Variants in TRPM3 observed in about 807,000 individuals in gnomAD.
TRPM3 encodes the protein long transient receptor potential channel 3.
In TRPM3, 77 loss-of-function variants were observed where a neutral mutation model predicts 181.2. The ratio of observed to expected loss-of-function variants is 0.42; its 90% CI spans 0.35 to 0.51. The LOEUF (loss-of-function observed/expected upper bound fraction) is 0.51, where lower values mean the gene tolerates loss of function less well. TRPM3 is among the 20% of genes least tolerant of loss of function. The probability of loss-of-function intolerance (pLI) is 0.01; values close to 1 mark genes in which losing one functional copy is unlikely to be tolerated. For synonymous variants in TRPM3, 745 were observed against 796.4 expected (o/e 0.94, Z 1.09); for missense variants, 1,759 against 2,196.7 (o/e 0.80, Z 3.98).
At chr9:71,241,923 T>G (rs11142750) in intron 1 of TRPM3, among the ~76,000 whole-genome samples, 24,280 of 152,270 alleles carry the variant, frequency 0.16, 2,339 homozygotes, top group Non-Finnish European at 0.22. Context: ...GTGACTTTAT[T>G]TGGGACATTC....
intron 25 of TRPM3, among the ~76,000 whole-genome samples, chr9:70,548,465 A>G (rs2045617690): frequency 6.6e-6 from 1 of 152,230 alleles, no homozygotes; most frequent in African/African-American, 2.4e-5. Flanking sequence ...GGTAATTCCT[A>G]CAGAGCCACT....
At chr9:71,434,205 G>A (rs2093998399) in intron 1 of TRPM3, among the ~76,000 whole-genome samples, 1 of 152,024 alleles carries the variant, frequency 6.6e-6, no homozygotes, top group African/African-American at 2.4e-5. Context: ...TGTGCTAAAT[G>A]TTTGTGTCCC....
At chr9:71,418,900 GTGTGTGTGTATATATA>G (rs753504605) in intron 1 of TRPM3, among the ~76,000 whole-genome samples, 19 of 106,392 alleles carry the variant, frequency 1.8e-4, no homozygotes, top group Non-Finnish European at 4.4e-4. Flanking sequence ...ACATATATAT[GTGTGTGTGTATATATA>G]TGTGTGTGTG....
At chr9:70,835,251 T>A (rs2094231918) in intron 5 of TRPM3, among the ~76,000 whole-genome samples, 1 of 152,118 alleles carries the variant, frequency 6.6e-6, no homozygotes, top group African/African-American at 2.4e-5. Flanking sequence ...CTACCCAGAT[T>A]CAGGTATTCC....
chr9:71,005,826 T>C (rs2134291059), intron 1 of TRPM3, among the ~76,000 whole-genome samples: 1 of 152,232 alleles, frequency 6.6e-6, no homozygotes, highest in Admixed American at 6.5e-5. Flanking sequence ...CAAAAACATC[T>C]GAAGGAATAC....
At chr9:70,850,324 A>AGAG (rs1413091832) in intron 3 of TRPM3, among the ~76,000 whole-genome samples, 1 of 152,186 alleles carries the variant, frequency 6.6e-6, no homozygotes, top group African/African-American at 2.4e-5. Context: ...CTGGAGTATC[A>AGAG]GAGGCAAACA....
chr9:70,999,506 G>T (rs989898323), intron 1 of TRPM3, among the ~76,000 whole-genome samples: 10 of 152,122 alleles, frequency 6.6e-5, no homozygotes, highest in Admixed American at 4.6e-4. Flanking sequence ...AATACAGAAG[G>T]GTAAAGAGTT....
At chr9:70,949,661 C>T (rs749576635) in intron 1 of TRPM3, among the ~76,000 whole-genome samples, 6 of 152,068 alleles carry the variant, frequency 3.9e-5, no homozygotes, top group Non-Finnish European at 5.9e-5. Context: ...TCCTTAGTCT[C>T]CCGAGTAGCT....
intron 19 of TRPM3, among the ~76,000 whole-genome samples, chr9:70,608,681 C>T (rs916492958): frequency 1.3e-5 from 2 of 151,996 alleles, no homozygotes; most frequent in Non-Finnish European, 2.9e-5. Flanking sequence ...ACTAAAAATA[C>T]AAAAATTAAT....
Position 71,202,544 on chromosome 9 carries a change from C to T in TRPM3, c.183+244109G>A, listed in dbSNP as rs1183623831. Among the ~76,000 whole-genome samples, 3 of 152,162 alleles carry T rather than the reference C, an allele frequency of 2.0e-5. No individual in the cohort carries two copies. In the East Asian group the frequency reaches 5.8e-4, roughly 29 times the overall value. The stretch of plus-strand genomic sequence containing the variant: ...TAAGAGAAATTTCAGGTTATTAACA[C>T]CTCCTGCCTTTTGGTTTATGTTTAT... On this transcript the variant is annotated intron_variant, in intron 1 of 24. Transcript: ENST00000357533.
At chr9:70,960,800 C>T (rs1236480258) in intron 1 of TRPM3, among the ~76,000 whole-genome samples, 2 of 152,174 alleles carry the variant, frequency 1.3e-5, no homozygotes, top group Admixed American at 6.5e-5. Context: ...CATCAGTCTC[C>T]TCATCTCCGT....
At chr9:70,932,706 C>A (rs1377913717) in intron 1 of TRPM3, among the ~76,000 whole-genome samples, 1 of 152,116 alleles carries the variant, frequency 6.6e-6, no homozygotes, top group East Asian at 1.9e-4. Flanking sequence ...GAAGAAGTCA[C>A]GTTAACTCTA....
At chr9:71,288,053 TA>T (rs1020019957) in intron 1 of TRPM3, among the ~76,000 whole-genome samples, 245 of 152,254 alleles carry the variant, frequency 1.6e-3, no homozygotes, top group African/African-American at 5.6e-3. Flanking sequence ...TACTACATAT[TA>T]AATATTTTTA....
At chr9:70,584,750 T>C (rs939333497) in intron 22 of TRPM3, among the ~76,000 whole-genome samples, 2 of 152,210 alleles carry the variant, frequency 1.3e-5, no homozygotes, top group Non-Finnish European at 2.9e-5. Flanking sequence ...ACCAACTTTA[T>C]ACCTTTCTTT....
chr9:71,243,569 ATCTG>A (rs1347840208), intron 1 of TRPM3, among the ~76,000 whole-genome samples: 1 of 152,188 alleles, frequency 6.6e-6, no homozygotes, highest in African/African-American at 2.4e-5. Context: ...CAGGAATCTT[ATCTG>A]TCTTTTTATG....
intron 1 of TRPM3, among the ~76,000 whole-genome samples, chr9:71,245,477 T>A (rs2081983661): frequency 6.6e-6 from 1 of 151,726 alleles, no homozygotes. Context: ...AAGAGACATC[T>A]GAACTTCTTT....
intron 1 of TRPM3, among the ~76,000 whole-genome samples, chr9:71,044,812 C>T (rs1416248840): frequency 6.6e-6 from 1 of 152,054 alleles, no homozygotes; most frequent in African/African-American, 2.4e-5. Flanking sequence ...GCTGGGACTA[C>T]AGGCGCCAGC....
chr9:71,050,240 A>T (rs1204444337), intron 1 of TRPM3, among the ~76,000 whole-genome samples: 1 of 152,226 alleles, frequency 6.6e-6, no homozygotes, highest in Non-Finnish European at 1.5e-5. Context: ...GATGCTGGGG[A>T]TGGAGGAGAC....
chr9:70,609,895 A>G (rs2061750203), intron 19 of TRPM3, among the ~76,000 whole-genome samples: 1 of 150,042 alleles, frequency 6.7e-6, no homozygotes, highest in Admixed American at 6.7e-5. Context: ...GACCTGGGCC[A>G]AAAGCTCATC....
Sources: gnomAD v4.1 joint callset for allele counts (sites outside exome capture counted in the v4.1 genomes callset) on GRCh38, gnomAD v4.1.1 for gene constraint, MANE v1.5 for transcripts, NCBI Gene and HGNC (gene_info 2026-07-23, HGNC 2026-07-21) for gene names.